Variants in ACACA observed in about 807,000 individuals in gnomAD.
ACACA encodes acetyl-CoA carboxylase alpha.
In ACACA, 103 loss-of-function variants were observed where a neutral mutation model predicts 296.1. The observed-to-expected ratio is 0.35, with a 90% CI of 0.30 to 0.41. ACACA has a LOEUF of 0.41. Ranked by LOEUF, ACACA falls within the 10% of genes least tolerant of loss-of-function variation. The pLI, the probability that ACACA is intolerant of heterozygous loss-of-function variation, is 1.00. For missense variants in ACACA, 1,554 were observed against 2,989.7 expected, an observed-to-expected ratio of 0.52 and a Z score of 11.20; for synonymous variants, 953 against 1,038.6, an observed-to-expected ratio of 0.92 and a Z score of 1.58.
chr17:37,281,375 T>G (rs1351841318), intron 5 of ACACA, among the ~76,000 whole-genome samples: 1 of 152,082 alleles, frequency 6.6e-6, no homozygotes, highest in Non-Finnish European at 1.5e-5. Flanking sequence ...AGCTTTCTCT[T>G]AAGCCTGCCC....
At chr17:37,359,151 G>T (rs2049289610) in intron 1 of ACACA, 1 of 984,984 alleles carries the variant, frequency 1.0e-6, no homozygotes, top group Non-Finnish European at 1.2e-6. Flanking sequence ...GGCTTCAGGG[G>T]CCTGACCCGC....
intron 1 of ACACA, among the ~76,000 whole-genome samples, chr17:37,372,036 C>G (rs756118324): frequency 6.6e-6 from 1 of 152,162 alleles, no homozygotes; most frequent in African/African-American, 2.4e-5. Context: ...CGGCAACATA[C>G]TGAGACCCTG....
rs182012531 is a variant in ACACA, at chr17:37,402,151, T to C, written c.38+4111A>G. 2.1e-4 allele frequency among the ~76,000 whole-genome samples: 32 copies of C among 152,316 alleles called. No individual in the cohort carries two copies. In the East Asian group the frequency reaches 6.2e-3, roughly 29 times the overall value. On this transcript the variant is annotated intron_variant, in intron 1 of 55. Transcript: ENST00000616317. ...CTTAAAGAGGACAAAAGGTGTTTTT[T>C]TGGGTTCCTTTACAGAGATATTTAG...
At chr17:37,202,937 A>T (rs960547585) in intron 33 of ACACA, among the ~76,000 whole-genome samples, 3 of 150,930 alleles carry the variant, frequency 2.0e-5, no homozygotes, top group Non-Finnish European at 4.4e-5. Flanking sequence ...TGTTACAAAC[A>T]TATGTAGCGA....
At chr17:37,225,814 G>A (rs2079520680) in intron 26 of ACACA, among the ~76,000 whole-genome samples, 1 of 152,206 alleles carries the variant, frequency 6.6e-6, no homozygotes. Context: ...CAAAGGGAGT[G>A]CCAACTCTTG....
intron 3 of ACACA, among the ~76,000 whole-genome samples, chr17:37,306,697 T>C (rs1026610507): frequency 6.6e-6 from 1 of 151,984 alleles, no homozygotes; most frequent in Admixed American, 6.6e-5. Flanking sequence ...ATAAATTTAT[T>C]ATTATTTTTT....
At chr17:37,359,060 G>A in intron 1 of ACACA, 4 of 986,110 alleles carry the variant, frequency 4.1e-6, no homozygotes, top group Non-Finnish European at 3.6e-6. Context: ...GAACTGCTGG[G>A]CGGGAGGAGA....
intron 3 of ACACA, among the ~76,000 whole-genome samples, chr17:37,303,281 T>C (rs188981136): frequency 1.9e-3 from 296 of 152,354 alleles, no homozygotes; most frequent in African/African-American, 6.6e-3. Context: ...GACTGGCTTC[T>C]TTCATTTAGC....
At chr17:37,151,501 G>C in intron 43 of ACACA, 80 bp from the exon 44 acceptor site, 1 of 1,568,906 alleles carries the variant, frequency 6.4e-7, no homozygotes, top group South Asian at 1.1e-5. Flanking sequence ...ACCAATAAAA[G>C]GCGGCTAAAA....
intron 50 of ACACA, among the ~76,000 whole-genome samples, chr17:37,116,901 G>A (rs1007825988): frequency 2.0e-5 from 3 of 152,228 alleles, no homozygotes; most frequent in Non-Finnish European, 4.4e-5. Flanking sequence ...AGCTATGCAC[G>A]TGCTGTCAAT....
chr17:37,120,720 G>A (rs1243540499), intron 50 of ACACA, among the ~76,000 whole-genome samples: 3 of 152,196 alleles, frequency 2.0e-5, no homozygotes, highest in Non-Finnish European at 4.4e-5. Flanking sequence ...AAGAGGTAGT[G>A]TTTCCTTTGG....
At chr17:37,364,021 G>T (rs1410588493) in intron 1 of ACACA, among the ~76,000 whole-genome samples, 1 of 152,174 alleles carries the variant, frequency 6.6e-6, no homozygotes, top group Non-Finnish European at 1.5e-5. Context: ...CTACTCAGGA[G>T]GTGAGGCAGG....
At chr17:37,239,637 T>C (rs1285959261) in intron 24 of ACACA, among the ~76,000 whole-genome samples, 1 of 152,218 alleles carries the variant, frequency 6.6e-6, no homozygotes, top group Non-Finnish European at 1.5e-5. Flanking sequence ...ATAATGAGCA[T>C]GTTTTTCCTC....
chr17:37,144,068 T>C, intron 45 of ACACA: 1 of 764,074 alleles, frequency 1.3e-6, no homozygotes, highest in Non-Finnish European at 2.4e-6. Flanking sequence ...GGGACGTAGG[T>C]TTTCATTTCT....
chr17:37,261,482 G>T (rs1421879734), intron 11 of ACACA, among the ~76,000 whole-genome samples: 2 of 152,188 alleles, frequency 1.3e-5, no homozygotes, highest in African/African-American at 4.8e-5. Context: ...CACAAACCTG[G>T]CCTTCAAAAG....
rs1220654560 is a variant in ACACA at position 37,156,291 on chromosome 17, C to T, written c.5350-511G>A. Reference sequence around the variant, plus strand: ...TGTTAGCCAGGATGGTCTCAATCTCCTGACCTCGTGATCCGCCCGCCTCGG... The same window carrying T: ...TGTTAGCCAGGATGGTCTCAATCTCTTGACCTCGTGATCCGCCCGCCTCGG... On this transcript the variant is annotated intron_variant, in intron 42 of 55. Transcript: ENST00000616317. Among the ~76,000 whole-genome samples, 5 of 152,166 alleles carry T rather than the reference C, an allele frequency of 3.3e-5. No individual in the cohort carries two copies. In the South Asian group the frequency reaches 6.2e-4, roughly 19 times the overall value.
Position 37,122,514 on chromosome 17 carries a change from T to G in ACACA, c.6138+17A>C. On this transcript the variant is annotated intron_variant, in intron 49 of 55. Transcript: ENST00000616317. Reference sequence around the variant, plus strand: ...AACCCTCCAAGCACAGCCCCCAGTGTACTTGAGGTGGCCTACCTTGGCTTC... The same window carrying G: ...AACCCTCCAAGCACAGCCCCCAGTGGACTTGAGGTGGCCTACCTTGGCTTC... 1 of 1,606,760 alleles carries G rather than the reference T, an allele frequency of 6.2e-7. No homozygotes were observed.
chr17:37,223,497 A>G lies in ACACA; in HGVS notation c.3564+15T>C, dbSNP rs2079390919. ...ACAAAGGAAAAGGTCATGTCCCATT[A>G]CCATAAATACTTACCTCCAGAGCTG... On this transcript the variant is annotated intron_variant, in intron 28 of 55. Transcript: ENST00000616317. 4 of 1,573,234 alleles carry G rather than the reference A, an allele frequency of 2.5e-6. No individual in the cohort carries two copies. The highest frequency in any genetic ancestry group is 3.5e-6 in the Non-Finnish European group (4 of 1,142,992).
chr17:37,379,504 G>A, intron 1 of ACACA: 1 of 1,298,356 alleles, frequency 7.7e-7, no homozygotes, highest in Non-Finnish European at 1.0e-6. Context: ...TGATGGGGTT[G>A]TTTGTTTTTT....
Sources: gnomAD v4.1 joint callset for allele counts (sites outside exome capture counted in the v4.1 genomes callset) on GRCh38, gnomAD v4.1.1 for gene constraint, MANE v1.5 for transcripts, NCBI Gene and HGNC (gene_info 2026-07-23, HGNC 2026-07-21) for gene names.